GSE1: variants seen among roughly 807,000 people sequenced by gnomAD.
GSE1 encodes Gse1 coiled-coil protein, also known as genetic suppressor element 1.
Under a neutral mutation model 112.6 loss-of-function variants are expected in GSE1, and 32 were observed. The ratio of observed to expected loss-of-function variants is 0.28; its 90% CI spans 0.21 to 0.38. The LOEUF (loss-of-function observed/expected upper bound fraction) is 0.38, where lower values mean the gene tolerates loss of function less well. Among genes scored for constraint, GSE1 ranks in the 10% least tolerant of loss-of-function variants. The pLI is 1.00. For synonymous variants in GSE1, 1,115 were observed against 735.6 expected (o/e 1.52, Z -8.35); for missense variants, 2,348 against 1,699.2 (o/e 1.38, Z -6.71).
intron 1 of GSE1, among the ~76,000 whole-genome samples, chr16:85,217,011 T>A (rs940952952): frequency 6.6e-6 from 1 of 152,210 alleles, no homozygotes; most frequent in Non-Finnish European, 1.5e-5. Context: ...GGCGCTGTGG[T>A]TGACACAGGG....
intron 8 of GSE1, 131 bp downstream of exon 8, chr16:85,657,735 T>A: frequency 1.6e-6 from 1 of 624,862 alleles, no homozygotes; most frequent in Non-Finnish European, 2.6e-6. Flanking sequence ...TTCTGTTCTT[T>A]CATCTTCACG....
intron 2 of GSE1, among the ~76,000 whole-genome samples, chr16:85,430,718 C>T (rs1042571807): frequency 2.0e-5 from 3 of 152,226 alleles, no homozygotes; most frequent in South Asian, 2.1e-4. Context: ...CTAGGGCATT[C>T]GTCTGAAGGG....
intron 1 of GSE1, among the ~76,000 whole-genome samples, chr16:85,305,008 A>G (rs2045638277): frequency 6.6e-6 from 1 of 152,122 alleles, no homozygotes; most frequent in Admixed American, 6.5e-5. Flanking sequence ...ACAAGCCCAC[A>G]TCCTGTTAGG....
At chr16:85,209,083 T>A (rs74031729) in intron 1 of GSE1, among the ~76,000 whole-genome samples, 1 of 151,124 alleles carries the variant, frequency 6.6e-6, no homozygotes, top group African/African-American at 2.4e-5. Context: ...GTTCGCTGTG[T>A]GTTGGGGTCT....
At chr16:85,502,392 A>G (rs180840904) in intron 2 of GSE1, among the ~76,000 whole-genome samples, 13 of 152,260 alleles carry the variant, frequency 8.5e-5, no homozygotes, top group African/African-American at 3.1e-4. Context: ...GCTCAGAAGG[A>G]CAGCTCCCAG....
intron 1 of GSE1, among the ~76,000 whole-genome samples, chr16:85,190,965 T>C (rs1224060654): frequency 2.6e-5 from 4 of 152,200 alleles, no homozygotes; most frequent in Non-Finnish European, 1.5e-5. Context: ...TTAAAAGATA[T>C]ATATATTTTA....
intron 2 of GSE1, chr16:85,359,441 G>A (rs929469293): frequency 3.9e-5 from 18 of 455,802 alleles, no homozygotes; most frequent in Non-Finnish European, 7.1e-5. Flanking sequence ...TGGGGAGCAG[G>A]CCCACCCACT....
At chr16:85,625,984 G>A (rs893701288) in intron 1 of GSE1, among the ~76,000 whole-genome samples, 24 of 152,242 alleles carry the variant, frequency 1.6e-4, no homozygotes, top group Admixed American at 1.3e-3. Flanking sequence ...TGTTTTCTCA[G>A]CCCTTCTTGT....
In GSE1 at chr16:85,637,502, C is replaced by T. The variant is rs538979428; in HGVS notation, c.226+3370C>T. On this transcript the variant is annotated intron_variant, in intron 2 of 15. Transcript: ENST00000253458. ...AGCAGTGGCTATGTATCGAGTCCCC[C>T]CTTGATCGCGGCAGTGGCTATGTAT... Among the ~76,000 whole-genome samples the T allele has an allele frequency of 8.6e-5, 13 of 151,822 alleles. No individual in the cohort carries two copies. The South Asian group carries it at 2.7e-3, about 32-fold the overall frequency.
At chr16:85,297,979 G>C (rs944688739) in intron 1 of GSE1, among the ~76,000 whole-genome samples, 43 of 152,162 alleles carry the variant, frequency 2.8e-4, no homozygotes, top group African/African-American at 9.9e-4. Flanking sequence ...CAGTTATCTT[G>C]AGCTCAGCTT....
intron 1 of GSE1, among the ~76,000 whole-genome samples, chr16:85,570,038 G>A (rs949694186): frequency 1.4e-4 from 21 of 152,206 alleles, no homozygotes; most frequent in African/African-American, 4.1e-4. Context: ...ATACAGTTGC[G>A]GCCCTGAGTT....
chr16:85,193,968 T>A (rs548811912), intron 1 of GSE1, among the ~76,000 whole-genome samples: 6 of 152,256 alleles, frequency 3.9e-5, no homozygotes, highest in Non-Finnish European at 8.8e-5. Flanking sequence ...TGTGTGTGTG[T>A]GCGCGCGCGT....
chr16:85,549,034 G>T (rs1041008322), intron 2 of GSE1, among the ~76,000 whole-genome samples: 1 of 152,076 alleles, frequency 6.6e-6, no homozygotes, highest in Non-Finnish European at 1.5e-5. Flanking sequence ...TGATCCGCCC[G>T]CCTCGGCCTC....
chr16:85,246,675 C>A (rs1357059597), intron 1 of GSE1, among the ~76,000 whole-genome samples: 1 of 152,088 alleles, frequency 6.6e-6, no homozygotes, highest in Non-Finnish European at 1.5e-5. Flanking sequence ...CAGGCCCACC[C>A]CACTCCCACC....
chr16:85,457,474 G>C, intron 2 of GSE1, among the ~76,000 whole-genome samples: 1 of 152,234 alleles, frequency 6.6e-6, no homozygotes, highest in East Asian at 1.9e-4. Flanking sequence ...CTGTCCGGTA[G>C]GGTTGGCACA....
At chr16:85,544,814 T>C (rs1012976553) in intron 2 of GSE1, among the ~76,000 whole-genome samples, 5 of 152,232 alleles carry the variant, frequency 3.3e-5, no homozygotes, top group Non-Finnish European at 7.3e-5. Flanking sequence ...GGGCCTCGCC[T>C]GGTCTCTGGA....
intron 1 of GSE1, among the ~76,000 whole-genome samples, chr16:85,580,738 G>A (rs1289263608): frequency 6.6e-6 from 1 of 152,094 alleles, no homozygotes; most frequent in African/African-American, 2.4e-5. Flanking sequence ...GAGGTTCTCA[G>A]GGTGGGCCCC....
At chr16:85,499,829 C>T (rs2051303899) in intron 2 of GSE1, among the ~76,000 whole-genome samples, 1 of 152,190 alleles carries the variant, frequency 6.6e-6, no homozygotes, top group Non-Finnish European at 1.5e-5. Flanking sequence ...GTTGCTGGCA[C>T]AGTTGTGGTG....
intron 2 of GSE1, among the ~76,000 whole-genome samples, chr16:85,403,600 G>T (rs1023039087): frequency 6.6e-6 from 1 of 151,726 alleles, no homozygotes; most frequent in African/African-American, 2.4e-5. Context: ...CACCAGCCTG[G>T]GCAACATAGT....
Sources: gnomAD v4.1 joint callset for allele counts (sites outside exome capture counted in the v4.1 genomes callset) on GRCh38, gnomAD v4.1.1 for gene constraint, MANE v1.5 for transcripts, NCBI Gene and HGNC (gene_info 2026-07-23, HGNC 2026-07-21) for gene names.